The following RALGAPA2 variants were observed in gnomAD, a reference collection of about 807,000 sequenced individuals.
The protein encoded by RALGAPA2 is ral GTPase-activating protein subunit alpha-2.
A neutral mutation model predicts 230.4 loss-of-function variants in RALGAPA2; 139 were observed. That is an observed-to-expected ratio of 0.60 (90% CI 0.53 to 0.69). RALGAPA2 has a LOEUF of 0.69. Ranked by LOEUF, RALGAPA2 falls within the 30% of genes least tolerant of loss-of-function variation. RALGAPA2 has a pLI of 0.00. For missense variants in RALGAPA2, 2,163 were observed against 2,276.0 expected, an observed-to-expected ratio of 0.95 and a Z score of 1.01; for synonymous variants, 847 against 837.8, an observed-to-expected ratio of 1.01 and a Z score of -0.19.
chr20:20,644,993 C>T (rs1247461049), intron 4 of RALGAPA2, among the ~76,000 whole-genome samples: 2 of 151,824 alleles, frequency 1.3e-5, no homozygotes, highest in Non-Finnish European at 2.9e-5. Context: ...AATCCATCAT[C>T]TTGCAACATA....
chr20:20,709,145 CCT>C (rs201313289), intron 1 of RALGAPA2, among the ~76,000 whole-genome samples: 7,132 of 151,424 alleles, frequency 0.047, 268 homozygotes, highest in East Asian at 0.16. Context: ...ACGGTGAACC[CCT>C]GTCTCTACTA....
At chr20:20,552,579 T>C (rs1438304727) in intron 23 of RALGAPA2, among the ~76,000 whole-genome samples, 2 of 152,160 alleles carry the variant, frequency 1.3e-5, no homozygotes, top group African/African-American at 4.8e-5. Flanking sequence ...TATGATTCAT[T>C]CTATACTTGG....
At chr20:20,509,643 T>C (rs8117040) in intron 33 of RALGAPA2, among the ~76,000 whole-genome samples, 1,685 of 152,036 alleles carry the variant, frequency 0.011, 26 homozygotes, top group African/African-American at 0.039. Context: ...TATGATGCAA[T>C]AAGAGGCGCT....
chr20:20,702,155 C>T (rs2069405501), intron 1 of RALGAPA2, among the ~76,000 whole-genome samples: 1 of 151,948 alleles, frequency 6.6e-6, no homozygotes, highest in African/African-American at 2.4e-5. Context: ...AGAAGAGATA[C>T]ATTCAGGGCA....
chr20:20,469,244 A>G (rs139281141), intron 37 of RALGAPA2, among the ~76,000 whole-genome samples: 1,603 of 152,336 alleles, frequency 0.011, 18 homozygotes, highest in South Asian at 0.058. Context: ...TATGGAGATG[A>G]ATGGAAAAAA....
At chr20:20,475,562 ACT>A (rs2061631804) in intron 36 of RALGAPA2, among the ~76,000 whole-genome samples, 1 of 152,060 alleles carries the variant, frequency 6.6e-6, no homozygotes, top group Non-Finnish European at 1.5e-5. Flanking sequence ...CAGAACAAAA[ACT>A]CTCAGCAAAC....
intron 16 of RALGAPA2, among the ~76,000 whole-genome samples, chr20:20,594,550 T>C (rs2065389427): frequency 6.6e-6 from 1 of 152,124 alleles, no homozygotes; most frequent in African/African-American, 2.4e-5. Context: ...ATTTTCTATT[T>C]TGAATATCAC....
chr20:20,432,132 T>C (rs2122973931), intron 37 of RALGAPA2, among the ~76,000 whole-genome samples: 1 of 152,338 alleles, frequency 6.6e-6, no homozygotes, highest in East Asian at 1.9e-4. Flanking sequence ...CCAAGGCTGG[T>C]GATCGTCTTC....
chr20:20,498,347 G>T (rs2062273678), intron 35 of RALGAPA2, among the ~76,000 whole-genome samples: 1 of 152,208 alleles, frequency 6.6e-6, no homozygotes, highest in Non-Finnish European at 1.5e-5. Flanking sequence ...CAAATGCTCA[G>T]ATTTTAAGTC....
intron 37 of RALGAPA2, among the ~76,000 whole-genome samples, chr20:20,425,130 G>A (rs1016581281): frequency 1.4e-4 from 21 of 152,132 alleles, no homozygotes; most frequent in African/African-American, 1.9e-4. Flanking sequence ...TATGATATAC[G>A]ATAGATAACA....
intron 1 of RALGAPA2, among the ~76,000 whole-genome samples, chr20:20,698,648 C>T (rs1172843754): frequency 6.6e-6 from 1 of 152,174 alleles, no homozygotes; most frequent in Non-Finnish European, 1.5e-5. Flanking sequence ...GATCTGCCCA[C>T]CTCAGCCTCC....
chr20:20,457,152 C>T (rs951927292), intron 37 of RALGAPA2, among the ~76,000 whole-genome samples: 1 of 152,184 alleles, frequency 6.6e-6, no homozygotes, highest in Non-Finnish European at 1.5e-5. Flanking sequence ...TCAGACTGTC[C>T]TAGGTCAGGT....
intron 23 of RALGAPA2, among the ~76,000 whole-genome samples, chr20:20,569,510 AT>A (rs1408237270): frequency 6.6e-6 from 1 of 152,198 alleles, no homozygotes; most frequent in African/African-American, 2.4e-5. Context: ...GTATTCCACT[AT>A]GAACTATAAA....
At chr20:20,465,355 T>A (rs1602450960) in intron 37 of RALGAPA2, among the ~76,000 whole-genome samples, 1 of 151,940 alleles carries the variant, frequency 6.6e-6, no homozygotes, top group South Asian at 2.1e-4. Context: ...GGGTGAGGGG[T>A]CCTTGGCACA....
chr20:20,666,915 G>C (rs533615564), intron 3 of RALGAPA2, among the ~76,000 whole-genome samples: 1 of 151,958 alleles, frequency 6.6e-6, no homozygotes. Flanking sequence ...GGCAGGGGTG[G>C]GGGGAGGAAA....
At chr20:20,587,129 A>G in intron 18 of RALGAPA2, among the ~76,000 whole-genome samples, 1 of 152,298 alleles carries the variant, frequency 6.6e-6, no homozygotes, top group Admixed American at 6.5e-5. Context: ...ACCTAAATAT[A>G]CTATAGTGAA....
In RALGAPA2 at chr20:20,512,246, C is replaced by CACACACACAT. The variant is rs1556256399; in HGVS notation, c.4856+266_4856+267insATGTGTGTGT. Among the ~76,000 whole-genome samples, 696 of 151,344 alleles carry CACACACACAT rather than the reference C, an allele frequency of 4.6e-3. 4 individuals are homozygous for CACACACACAT. Among genetic ancestry groups the CACACACACAT allele is most frequent in the African/African-American group, 0.016 (664 of 41,220 alleles). ...CCCTACACACACACACACATACACA[C>CACACACACAT]ACACACACACACACACACACACAAA... On this transcript the variant is annotated intron_variant, in intron 32 of 39. Coordinates refer to ENST00000202677, the MANE Select transcript of RALGAPA2 (RefSeq NM_020343.4).
At chr20:20,492,753 G>T (rs2062096491) in intron 36 of RALGAPA2, among the ~76,000 whole-genome samples, 1 of 152,096 alleles carries the variant, frequency 6.6e-6, no homozygotes, top group Admixed American at 6.5e-5. Context: ...TGGGACGCGT[G>T]GAATGCATTC....
chr20:20,417,531 C>T (rs1197005472), intron 37 of RALGAPA2, among the ~76,000 whole-genome samples: 2 of 152,176 alleles, frequency 1.3e-5, no homozygotes, highest in Non-Finnish European at 2.9e-5. Context: ...CCTGGATAAC[C>T]CAGAATGATC....
Sources: allele counts gnomAD v4.1 joint callset (sites outside exome capture counted in the v4.1 genomes callset), GRCh38; gene constraint gnomAD v4.1.1; transcripts MANE v1.5; gene names NCBI Gene and HGNC (gene_info 2026-07-23, HGNC 2026-07-21).